ARAP2: variants seen among roughly 807,000 people sequenced by gnomAD.
ARAP2 encodes arf-GAP with Rho-GAP domain, ANK repeat and PH domain-containing protein 2.
A neutral mutation model predicts 194.5 loss-of-function variants in ARAP2; 148 were observed. The ratio of observed to expected loss-of-function variants is 0.76; its 90% CI spans 0.67 to 0.87. ARAP2 has a LOEUF of 0.87. ARAP2 is among the 40% of genes least tolerant of loss of function. The probability of loss-of-function intolerance (pLI) is 0.00; values close to 1 mark genes in which losing one functional copy is unlikely to be tolerated. For missense variants in ARAP2, 2,128 were observed against 1,989.7 expected, an observed-to-expected ratio of 1.07 and a Z score of -1.32; for synonymous variants, 695 against 683.5, an observed-to-expected ratio of 1.02 and a Z score of -0.26.
intron 8 of ARAP2, among the ~76,000 whole-genome samples, chr4:36,014,372 A>AAGAAAG (rs1190342405): frequency 0.016 from 1,894 of 118,768 alleles, 103 homozygotes; most frequent in African/African-American, 0.062. Context: ...GAAAGAAAGA[A>AAGAAAG]AGAAAGAAAG....
At chr4:36,195,742 G>T (rs935195035) in intron 6 of ARAP2, among the ~76,000 whole-genome samples, 3 of 152,116 alleles carry the variant, frequency 2.0e-5, no homozygotes, top group African/African-American at 7.2e-5. Flanking sequence ...CTGATGACCC[G>T]ATCCAAAGTG....
chr4:36,008,227 A>G (rs907820152), intron 9 of ARAP2, among the ~76,000 whole-genome samples: 1 of 152,130 alleles, frequency 6.6e-6, no homozygotes. Context: ...AAAGAGCCCA[A>G]ATAGCCAAAG....
At position 36,120,316 on chromosome 4, in the gene ARAP2, T is replaced by G. The variant is rs1007746872; in HGVS notation, c.3895-598A>C. ...TCCCACAATCTGGTGTCTATTCCTA[T>G]GTAAATTAAGATACAGACTGTGATA... On this transcript the variant is annotated intron_variant, in intron 23 of 32. Coordinates refer to ENST00000303965, the MANE Select transcript of ARAP2 (RefSeq NM_015230.4). Among the ~76,000 whole-genome samples, 25 of 151,730 alleles carry G rather than the reference T, an allele frequency of 1.6e-4. 1 individual carries two copies. The East Asian group carries it at 4.9e-3, about 30-fold the overall frequency.
intron 8 of ARAP2, among the ~76,000 whole-genome samples, chr4:36,180,939 T>C (rs1037851290): frequency 5.9e-5 from 9 of 152,186 alleles, no homozygotes; most frequent in African/African-American, 1.4e-4. Context: ...CACAATAAAA[T>C]AGATTACAAG....
At chr4:36,183,742 A>T (rs1019483947) in intron 8 of ARAP2, among the ~76,000 whole-genome samples, 1 of 152,220 alleles carries the variant, frequency 6.6e-6, no homozygotes, top group African/African-American at 2.4e-5. Context: ...ATTCACTTGC[A>T]ACTAAGAGAA....
chr4:36,138,689 T>A (rs1705152354), intron 19 of ARAP2, among the ~76,000 whole-genome samples: 1 of 151,712 alleles, frequency 6.6e-6, no homozygotes, highest in African/African-American at 2.4e-5. Context: ...AGTCATTTTG[T>A]GGACATATAT....
chr4:36,086,700 T>C (rs542550519), intron 28 of ARAP2, among the ~76,000 whole-genome samples: 2 of 152,278 alleles, frequency 1.3e-5, no homozygotes, highest in South Asian at 4.1e-4. Flanking sequence ...GTGAAGTTTT[T>C]AAGTTAGCCA....
chr4:36,119,829 G>A (rs113908943), intron 23 of ARAP2, 111 bp from the exon 24 acceptor site: 3 of 697,326 alleles, frequency 4.3e-6, no homozygotes, highest in African/African-American at 3.6e-5. Flanking sequence ...AAAAATAAAT[G>A]AGAATGGCCA....
At chr4:36,058,396 A>C (rs374688724) in intron 1 of ARAP2, among the ~76,000 whole-genome samples, 2 of 152,140 alleles carry the variant, frequency 1.3e-5, no homozygotes, top group South Asian at 2.1e-4. Context: ...TCTGCTGTTC[A>C]TTCTATCTTA....
intron 27 of ARAP2, among the ~76,000 whole-genome samples, chr4:36,096,844 T>C (rs909063133): frequency 1.3e-5 from 2 of 152,142 alleles, no homozygotes; most frequent in South Asian, 4.1e-4. Flanking sequence ...TTGTTAAACA[T>C]TGTATGGACT....
At position 36,107,550 on chromosome 4, in the gene ARAP2, A is replaced by G. The variant is rs113623282; in HGVS notation, c.4285+15T>C. The G allele has an allele frequency of 3.5e-3, 5,588 of 1,595,198 alleles. 20 individuals are homozygous for G. Among genetic ancestry groups the G allele is most frequent in the Middle Eastern group, 7.5e-3 (45 of 5,962 alleles). Reference sequence around the variant, plus strand: ...ATTTTCAATCATAGCTGCAATGTGAAGTAATGACACCTACCACTGCAGTGT... The same window carrying G: ...ATTTTCAATCATAGCTGCAATGTGAGGTAATGACACCTACCACTGCAGTGT... On this transcript the variant is annotated intron_variant, in intron 27 of 32. Coordinates refer to ENST00000303965, the MANE Select transcript of ARAP2 (RefSeq NM_015230.4).
intron 10 of ARAP2, among the ~76,000 whole-genome samples, chr4:36,166,728 T>C (rs1487750657): frequency 6.6e-6 from 1 of 151,942 alleles, no homozygotes. Context: ...TTTCATGAAA[T>C]ACATATTTTT....
chr4:36,220,950 A>T (rs1464859142), intron 2 of ARAP2, among the ~76,000 whole-genome samples: 1 of 152,118 alleles, frequency 6.6e-6, no homozygotes, highest in Non-Finnish European at 1.5e-5. Context: ...TATAACGTCT[A>T]CAGTGGTGTA....
At chr4:36,169,533 T>A (rs1462910141) in intron 9 of ARAP2, among the ~76,000 whole-genome samples, 2 of 60,242 alleles carry the variant, frequency 3.3e-5, no homozygotes, top group Non-Finnish European at 4.2e-5. Flanking sequence ...CAAAGATGAC[T>A]TTTTTTTTTT....
Position 36,098,202 on chromosome 4 carries a change from T to A in ARAP2, c.4286-6182A>T, listed in dbSNP as rs1577870268. Among the ~76,000 whole-genome samples the A allele has an allele frequency of 3.9e-5, 6 of 152,156 alleles. No homozygotes were observed. In the South Asian group the frequency reaches 1.2e-3, roughly 32 times the overall value. ...TTGAGGGGAAGAGGAGAGAGAAACA[T>A]ACACCCAGGAATGGCATTTCTCAGA... is the stretch of plus-strand genomic sequence containing the variant. On this transcript the variant is annotated intron_variant, in intron 27 of 32. Transcript: ENST00000303965.
chr4:36,067,775 C>T lies in ARAP2; in HGVS notation c.*132G>A. On this transcript the variant is annotated 3_prime_UTR_variant, in exon 33 of 33. Transcript: ENST00000303965. ...CATATTTTTAAATGCTCCTTAAATG[C>T]CTAAGCATAGACAAATTTGCCTATC... 1.0e-6 allele frequency: 1 copy of T among 963,164 alleles called. No homozygotes were observed. Among genetic ancestry groups the T allele is most frequent in the South Asian group, 1.9e-5 (1 of 53,768 alleles). The allele number at this position is 963,164 out of a possible 1,614,324, so 59.7% of individuals were successfully genotyped here.
chr4:36,094,539 T>C (rs1714662681), intron 27 of ARAP2, among the ~76,000 whole-genome samples: 1 of 152,128 alleles, frequency 6.6e-6, no homozygotes, highest in Admixed American at 6.6e-5. Flanking sequence ...TTTTTCTTAC[T>C]ATCAAGCATT....
chr4:36,177,742 A>G (rs1161236105), intron 9 of ARAP2, 85 bp downstream of exon 9: 22 of 1,352,082 alleles, frequency 1.6e-5, no homozygotes, highest in Admixed American at 7.7e-5. Context: ...TCTATAAGTA[A>G]AATCACTAAT....
At chr4:36,099,149 C>T (rs114896399) in intron 27 of ARAP2, among the ~76,000 whole-genome samples, 4,178 of 151,930 alleles carry the variant, frequency 0.027, 98 homozygotes, top group Non-Finnish European at 0.044. Flanking sequence ...CGAGAACATG[C>T]GGTGTCTGGT....
Sources: allele counts gnomAD v4.1 joint callset (sites outside exome capture counted in the v4.1 genomes callset), GRCh38; gene constraint gnomAD v4.1.1; transcripts MANE v1.5; gene names NCBI Gene and HGNC (gene_info 2026-07-23, HGNC 2026-07-21).